The following IL4R variants were observed in gnomAD, a reference collection of about 807,000 sequenced individuals.
The protein encoded by IL4R is interleukin 4 receptor.
Under a neutral mutation model 41.5 loss-of-function variants are expected in IL4R, and 17 were observed. The observed-to-expected ratio is 0.41, with a 90% CI of 0.28 to 0.61. The LOEUF is 0.61. Ranked by LOEUF, IL4R falls within the 20% of genes least tolerant of loss-of-function variation. IL4R has a pLI of 0.31. For missense variants in IL4R, 974 were observed against 1,043.1 expected, an observed-to-expected ratio of 0.93 and a Z score of 0.91; for synonymous variants, 402 against 422.9, an observed-to-expected ratio of 0.95 and a Z score of 0.61.
chr16:27,320,167 C>G (rs1439086375), intron 1 of IL4R, among the ~76,000 whole-genome samples: 1 of 152,178 alleles, frequency 6.6e-6, no homozygotes, highest in African/African-American at 2.4e-5. Flanking sequence ...GCACGCGGCC[C>G]TGGGTGCGTG....
At chr16:27,335,610 T>C (rs1485645394) in intron 2 of IL4R, among the ~76,000 whole-genome samples, 1 of 152,148 alleles carries the variant, frequency 6.6e-6, no homozygotes, top group Non-Finnish European at 1.5e-5. Context: ...TACCATAATA[T>C]TCATTTTGAT....
Position 27,364,012 on chromosome 16 carries a change from G to T in IL4R, c.*182G>T. The stretch of plus-strand genomic sequence containing the variant: ...CACTGGGCTGCAGAGACTGGACCCC[G>T]CCCAGCATTGGGCTGGGCTCGCCAC... On this transcript the variant is annotated 3_prime_UTR_variant, in exon 11 of 11. Transcript: ENST00000395762. The T allele has an allele frequency of 1.5e-6, 1 of 682,152 alleles. No homozygotes were observed. Among genetic ancestry groups the T allele is most frequent in the Non-Finnish European group, 2.4e-6 (1 of 409,970 alleles). 42.3% of individuals were successfully genotyped at this position (682,152 alleles called of 1,614,324 possible). A position where few individuals can be genotyped will look rare whatever the true frequency, so the allele number is the denominator to read the frequency against.
intron 2 of IL4R, among the ~76,000 whole-genome samples, chr16:27,335,026 G>T (rs546075839): frequency 6.6e-6 from 1 of 152,232 alleles, no homozygotes; most frequent in African/African-American, 2.4e-5. Flanking sequence ...CTTGTCCTTT[G>T]CACCCCTGGC....
chr16:27,356,927 AAGG>A (rs2086100673), intron 8 of IL4R, among the ~76,000 whole-genome samples: 1 of 152,126 alleles, frequency 6.6e-6, no homozygotes, highest in Admixed American at 6.5e-5. Context: ...GAGGTGGTGG[AAGG>A]AGCCTCGTTT....
chr16:27,362,725 C>T lies in IL4R; in HGVS notation c.1373C>T (p.Pro458Leu), dbSNP rs766317275. Residue 458 changes from proline to leucine, a missense_variant, in exon 11 of 11, where the codon CCC becomes CTC. Physicochemically the swap from Pro to Leu is moderately conservative, Grantham distance 98. Coordinates refer to ENST00000395762, the MANE Select transcript of IL4R (RefSeq NM_000418.4). ...FPSAGPKEAP[P>L]WGKEQPLHLE... The stretch of plus-strand genomic sequence containing the variant: ...AGTGCAGGGCCCAAGGAGGCACCTC[C>T]CTGGGGCAAGGAGCAGCCTCTCCAC... The T allele has an allele frequency of 1.2e-6, 2 of 1,614,006 alleles. No homozygotes were observed. The highest frequency in any genetic ancestry group is 1.3e-5 in the African/African-American group (1 of 74,924).
At chr16:27,336,803 G>A (rs946295186) in intron 2 of IL4R, among the ~76,000 whole-genome samples, 1 of 151,904 alleles carries the variant, frequency 6.6e-6, no homozygotes, top group Admixed American at 6.6e-5. Context: ...TGGCAGCCGG[G>A]CTCAGTGGCT....
chr16:27,348,848 T>G (rs931239440), intron 6 of IL4R, among the ~76,000 whole-genome samples: 37 of 152,012 alleles, frequency 2.4e-4, no homozygotes, highest in African/African-American at 8.5e-4. Flanking sequence ...CAGGGGAAAC[T>G]GGGGAAGAGG....
chr16:27,335,918 G>A (rs183540631), intron 2 of IL4R, among the ~76,000 whole-genome samples: 101 of 152,190 alleles, frequency 6.6e-4, no homozygotes, highest in African/African-American at 2.3e-3. Flanking sequence ...TAGTGGTGAT[G>A]CATCACTGTT....
intron 2 of IL4R, among the ~76,000 whole-genome samples, chr16:27,335,028 AC>A (rs1188859153): frequency 6.6e-6 from 1 of 152,024 alleles, no homozygotes; most frequent in East Asian, 1.9e-4. Context: ...TGTCCTTTGC[AC>A]CCCTGGCACT....
At chr16:27,337,548 C>A (rs899407000) in intron 2 of IL4R, among the ~76,000 whole-genome samples, 1 of 151,612 alleles carries the variant, frequency 6.6e-6, no homozygotes, top group Non-Finnish European at 1.5e-5. Context: ...TATAACCCAG[C>A]GCGTGCTGTT....
At position 27,363,313 on chromosome 16, in the gene IL4R, C is replaced by T; in HGVS notation, c.1961C>T (p.Thr654Ile). 6.2e-7 allele frequency: 1 copy of T among 1,612,164 alleles called. No homozygotes were observed. The highest frequency in any genetic ancestry group is 1.1e-5 in the South Asian group (1 of 90,738). ...DPAPVPVPLF[T>I]FGLDREPPRS... ...GCCCCAGTCCCTGTCCCCTTGTTCA[C>T]CTTTGGACTGGACAGGGAGCCACCT... The change falls in exon 11 of 11, where the codon ACC (threonine) becomes ATC (isoleucine). Residue 654 changes from threonine (T) to isoleucine (I), a missense_variant. Physicochemically the swap from Thr to Ile is moderately conservative, Grantham distance 89. Coordinates refer to ENST00000395762, the MANE Select transcript of IL4R (RefSeq NM_000418.4).
At chr16:27,335,334 G>C (rs1221618778) in intron 2 of IL4R, among the ~76,000 whole-genome samples, 3 of 152,062 alleles carry the variant, frequency 2.0e-5, no homozygotes, top group Non-Finnish European at 4.4e-5. Context: ...TTACTTTGAG[G>C]CTGTCATAGT....
At chr16:27,325,104 C>T (rs1451845406) in intron 1 of IL4R, among the ~76,000 whole-genome samples, 8 of 152,116 alleles carry the variant, frequency 5.3e-5, no homozygotes, top group Non-Finnish European at 1.2e-4. Flanking sequence ...GCTTGGCAGA[C>T]GGTGTTGTCC....
intron 1 of IL4R, among the ~76,000 whole-genome samples, chr16:27,326,648 A>C: frequency 1.4e-5 from 2 of 147,854 alleles, no homozygotes; most frequent in South Asian, 4.1e-4. Flanking sequence ...CCACAGAATG[A>C]GACCCTGTCT....
chr16:27,343,518 C>T (rs3024549), intron 4 of IL4R, among the ~76,000 whole-genome samples: 2 of 152,124 alleles, frequency 1.3e-5, no homozygotes, highest in African/African-American at 4.8e-5. Context: ...CCTCTGCCTC[C>T]CGGGTTCAAG....
At chr16:27,355,755 C>A (rs965587580) in intron 7 of IL4R, 53 bp from the exon 8 acceptor site, 2 of 1,318,154 alleles carry the variant, frequency 1.5e-6, no homozygotes, top group Admixed American at 1.7e-5. Context: ...GGAAGTGGAG[C>A]CCAGGCTGTA....
In IL4R at chr16:27,345,257, T is replaced by G. The variant is rs1276977244; in HGVS notation, c.361+237T>G. 6.0e-6 allele frequency: 4 copies of G among 666,218 alleles called. No individual in the cohort carries two copies. The highest frequency in any genetic ancestry group is 1.1e-5 in the Non-Finnish European group (4 of 363,008). 41.3% of individuals were successfully genotyped at this position (666,218 alleles called of 1,614,324 possible). A position where few individuals can be genotyped will look rare whatever the true frequency, so the allele number is the denominator to read the frequency against. On this transcript the variant is annotated intron_variant, in intron 5 of 10. Transcript: ENST00000395762. This position sits in a 1 kb window ranked among gnomAD's most constrained non-coding sequence, Gnocchi z 4.5. Reference sequence around the variant, plus strand: ...CCTTCAGCCCAGCTGTTTCCACCCCTGAACTTAAGTGCCCAGGAAGGCGTA... The same window carrying G: ...CCTTCAGCCCAGCTGTTTCCACCCCGGAACTTAAGTGCCCAGGAAGGCGTA...
Position 27,323,387 on chromosome 16 carries a change from A to G in IL4R, c.-151-6679A>G, listed in dbSNP as rs531513105. Among the ~76,000 whole-genome samples, 10 of 152,250 alleles carry G rather than the reference A, an allele frequency of 6.6e-5. No homozygotes were observed. The East Asian group carries it at 1.2e-3, about 18-fold the overall frequency. On this transcript the variant is annotated intron_variant, in intron 1 of 10. Transcript: ENST00000395762. ...GGGAGAATATTTTACTGTATCTTCC[A>G]TAGTGAGCTTTCCAGGAGAAGCAAA...
At chr16:27,337,199 G>C (rs145165827) in intron 2 of IL4R, among the ~76,000 whole-genome samples, 11 of 151,952 alleles carry the variant, frequency 7.2e-5, no homozygotes, top group Non-Finnish European at 1.3e-4. Context: ...GAGCCCTGCT[G>C]GGGGGAGGGC....
Sources: allele counts gnomAD v4.1 joint callset (sites outside exome capture counted in the v4.1 genomes callset), GRCh38; gene constraint gnomAD v4.1.1; non-coding constraint Gnocchi (gnomAD v3.1); transcripts MANE v1.5; gene names NCBI Gene and HGNC (gene_info 2026-07-23, HGNC 2026-07-21).